DIAPH2: variants seen among roughly 807,000 people sequenced by gnomAD.
The protein encoded by DIAPH2 is diaphanous related formin 2.
Under a neutral mutation model 92.7 loss-of-function variants are expected in DIAPH2, and 35 were observed. That is an observed-to-expected ratio of 0.38 (90% confidence interval 0.29 to 0.50). The LOEUF (loss-of-function observed/expected upper bound fraction) is 0.50, where lower values mean the gene tolerates loss of function less well. Ranked by LOEUF, DIAPH2 falls within the 20% of genes least tolerant of loss-of-function variation. The pLI is 0.94. For missense variants in DIAPH2, 701 were observed against 819.5 expected (o/e 0.86, Z 1.77); for synonymous variants, 301 against 280.4 (o/e 1.07, Z -0.73).
At chrX:96,811,821 G>A (rs1236932093) in intron 4 of DIAPH2, among the ~76,000 whole-genome samples, 10 of 111,660 alleles carry the variant, frequency 9.0e-5, no homozygotes, top group African/African-American at 2.6e-4. Flanking sequence ...GCTGGATTAC[G>A]TTTATTGATT....
intron 25 of DIAPH2, among the ~76,000 whole-genome samples, chrX:97,416,544 A>C (rs1163310199): frequency 1.8e-5 from 2 of 112,395 alleles, no homozygotes; most frequent in Non-Finnish European, 3.8e-5. Context: ...AGAAGAGAAA[A>C]TTAAAACAGA....
intron 1 of DIAPH2, among the ~76,000 whole-genome samples, chrX:96,730,833 A>T (rs2064049464): frequency 9.0e-6 from 1 of 111,011 alleles, no homozygotes; most frequent in South Asian, 3.9e-4. Flanking sequence ...GCTTTGTGTG[A>T]GCAACAAGGC....
chrX:96,963,036 C>T (rs1013451853), intron 16 of DIAPH2, among the ~76,000 whole-genome samples: 6 of 111,834 alleles, frequency 5.4e-5, no homozygotes, highest in Middle Eastern at 4.2e-3. Flanking sequence ...GTGATGAATT[C>T]CCTCAGTTTT....
chrX:97,116,187 T>C (rs1329358959), intron 21 of DIAPH2, among the ~76,000 whole-genome samples: 1 of 112,010 alleles, frequency 8.9e-6, no homozygotes, highest in African/African-American at 3.2e-5. Context: ...TTGATATGTA[T>C]CAAAAATGAT....
chrX:97,076,079 A>G (rs926461747), intron 19 of DIAPH2, among the ~76,000 whole-genome samples: 11 of 112,509 alleles, frequency 9.8e-5, no homozygotes, highest in Non-Finnish European at 2.1e-4. Flanking sequence ...CTGACACATT[A>G]TTTGAATTCT....
At chrX:97,199,149 T>G (rs2067727099) in intron 22 of DIAPH2, among the ~76,000 whole-genome samples, 1 of 110,537 alleles carries the variant, frequency 9.0e-6, no homozygotes, top group Admixed American at 9.8e-5. Context: ...TAATCTCCCC[T>G]TATAATAGTT....
intron 22 of DIAPH2, among the ~76,000 whole-genome samples, chrX:97,202,871 A>G (rs1024272952): frequency 8.9e-6 from 1 of 112,351 alleles, no homozygotes; most frequent in African/African-American, 3.2e-5. Context: ...CCAAATCAAC[A>G]GAATATACAT....
chrX:97,393,661 T>C (rs2069679959), intron 25 of DIAPH2, among the ~76,000 whole-genome samples: 1 of 112,078 alleles, frequency 8.9e-6, no homozygotes, highest in Non-Finnish European at 1.9e-5. Flanking sequence ...TAATTAGTTC[T>C]GTAGGTAGAA....
intron 24 of DIAPH2, among the ~76,000 whole-genome samples, chrX:97,350,339 T>C: frequency 9.0e-6 from 1 of 110,704 alleles, no homozygotes; most frequent in Non-Finnish European, 1.9e-5. Context: ...AGAATACATA[T>C]GATTAATATT....
At chrX:97,572,495 G>A (rs2071376446) in intron 26 of DIAPH2, among the ~76,000 whole-genome samples, 2 of 111,560 alleles carry the variant, frequency 1.8e-5, no homozygotes, top group African/African-American at 6.5e-5. Flanking sequence ...CATAGACTCA[G>A]TACATAGCTT....
At chrX:97,208,204 A>AT (rs2067813359) in intron 22 of DIAPH2, among the ~76,000 whole-genome samples, 1 of 111,855 alleles carries the variant, frequency 8.9e-6, no homozygotes, top group Admixed American at 9.5e-5. Context: ...TCTTGTAATT[A>AT]TTTTTTATAT....
intron 4 of DIAPH2, among the ~76,000 whole-genome samples, chrX:96,850,087 G>A (rs1317836793): frequency 9.0e-6 from 1 of 110,653 alleles, no homozygotes; most frequent in African/African-American, 3.3e-5. Context: ...TCCACCTTTA[G>A]TGTCTAGCCT....
At chrX:96,707,275 T>C (rs991676897) in intron 1 of DIAPH2, among the ~76,000 whole-genome samples, 13 of 108,719 alleles carry the variant, frequency 1.2e-4, no homozygotes, top group African/African-American at 4.4e-4. Flanking sequence ...CTCAAGCGAT[T>C]CTCATGCCTC....
At chrX:97,434,968 T>C (rs2070167200) in intron 26 of DIAPH2, among the ~76,000 whole-genome samples, 1 of 111,213 alleles carries the variant, frequency 9.0e-6, no homozygotes, top group African/African-American at 3.3e-5. Context: ...TGGAAACACC[T>C]TCACTAAGGG....
intron 3 of DIAPH2, among the ~76,000 whole-genome samples, chrX:96,740,967 G>C (rs1301046273): frequency 1.4e-4 from 16 of 110,575 alleles, no homozygotes; most frequent in African/African-American, 4.6e-4. Flanking sequence ...TGATGACCTT[G>C]CTGCTTAATT....
chrX:97,163,329 A>G (rs2067388494), intron 22 of DIAPH2, among the ~76,000 whole-genome samples: 1 of 110,629 alleles, frequency 9.0e-6, no homozygotes, highest in African/African-American at 3.3e-5. Flanking sequence ...AGTGGGGGCT[A>G]CAAGCACATG....
At chrX:97,146,994 A>G (rs1432411606) in intron 22 of DIAPH2, among the ~76,000 whole-genome samples, 1 of 110,707 alleles carries the variant, frequency 9.0e-6, no homozygotes, top group East Asian at 2.8e-4. Flanking sequence ...TTTTGGGTTA[A>G]GTTTACGTAT....
chrX:96,766,422 A>G (rs1190426846), intron 4 of DIAPH2, among the ~76,000 whole-genome samples: 1 of 110,791 alleles, frequency 9.0e-6, no homozygotes, highest in African/African-American at 3.3e-5. Flanking sequence ...GGTTTGTTCT[A>G]GAGTTTAGGT....
At chrX:97,121,537 GAGGATTTGTTATTAATACTC>G (rs1187390980) in intron 21 of DIAPH2, among the ~76,000 whole-genome samples, 1 of 112,216 alleles carries the variant, frequency 8.9e-6, no homozygotes, top group African/African-American at 3.2e-5. Context: ...TGATTAAATA[GAGGATTTGTTATTAATACTC>G]AGCATGTGTT....
Sources: gnomAD v4.1 joint callset for allele counts (sites outside exome capture counted in the v4.1 genomes callset) on GRCh38, gnomAD v4.1.1 for gene constraint, MANE v1.5 for transcripts, NCBI Gene and HGNC (gene_info 2026-07-23, HGNC 2026-07-21) for gene names.